The following TMEM135 variants were observed in gnomAD, a reference collection of about 807,000 sequenced individuals.
The protein encoded by TMEM135 is peroxisomal membrane protein 52.
A neutral mutation model predicts 60.3 loss-of-function variants in TMEM135; 30 were observed. That is an observed-to-expected ratio of 0.50 (90% CI 0.37 to 0.68). TMEM135 has a LOEUF of 0.68. Ranked by LOEUF, TMEM135 falls within the 30% of genes least tolerant of loss-of-function variation. The probability of loss-of-function intolerance (pLI) is 0.00; values close to 1 mark genes in which losing one functional copy is unlikely to be tolerated. For synonymous variants in TMEM135, 190 were observed against 186.7 expected, an observed-to-expected ratio of 1.02 and a Z score of -0.14; for missense variants, 468 against 548.8, an observed-to-expected ratio of 0.85 and a Z score of 1.47.
At chr11:87,053,080 C>T (rs866269163) in intron 1 of TMEM135, among the ~76,000 whole-genome samples, 5 of 128,560 alleles carry the variant, frequency 3.9e-5, no homozygotes, top group South Asian at 2.6e-4. Context: ...AACGAAACAC[C>T]GCATATTCTC....
In TMEM135 at chr11:87,327,441, A is replaced by G; in HGVS notation, c.*6108A>G. The G allele has an allele frequency of 2.2e-6, 1 of 454,114 alleles. No individual in the cohort carries two copies. Among genetic ancestry groups the G allele is most frequent in the South Asian group, 1.6e-5 (1 of 64,480 alleles). The allele number at this position is 454,114 out of a possible 1,614,324, so 28.1% of individuals were successfully genotyped here. A position where few individuals can be genotyped will look rare whatever the true frequency, so the allele number is the denominator to read the frequency against. ...TGCCATTAACCATCTGCATTTGAGCATTTTGAGAAAATAAACCTCTATTTC... is the reference window on the plus strand; with the variant it reads ...TGCCATTAACCATCTGCATTTGAGCGTTTTGAGAAAATAAACCTCTATTTC... On this transcript the variant is annotated 3_prime_UTR_variant, in exon 15 of 15. Coordinates refer to ENST00000305494, the MANE Select transcript of TMEM135 (RefSeq NM_022918.4).
intron 6 of TMEM135, among the ~76,000 whole-genome samples, chr11:87,280,083 T>C (rs1467260977): frequency 1.3e-5 from 2 of 152,230 alleles, no homozygotes; most frequent in African/African-American, 4.8e-5. Context: ...TGTTAATCTA[T>C]CAAAAAGTTA....
At chr11:87,072,329 G>A (rs1443458610) in intron 3 of TMEM135, among the ~76,000 whole-genome samples, 1 of 151,922 alleles carries the variant, frequency 6.6e-6, no homozygotes, top group Non-Finnish European at 1.5e-5. Flanking sequence ...TTTGCTTCAG[G>A]CTCTTTGAGT....
intron 5 of TMEM135, among the ~76,000 whole-genome samples, chr11:87,233,594 A>G (rs1342970274): frequency 6.6e-6 from 1 of 152,156 alleles, no homozygotes; most frequent in Non-Finnish European, 1.5e-5. Flanking sequence ...TGTACAATTT[A>G]TATTAATTAT....
chr11:87,193,053 T>C (rs1324044732), intron 5 of TMEM135, among the ~76,000 whole-genome samples: 1 of 152,182 alleles, frequency 6.6e-6, no homozygotes, highest in East Asian at 1.9e-4. Flanking sequence ...AGGCAAAGGT[T>C]GCAGTGAGCT....
chr11:87,045,974 C>T (rs1220368202), intron 1 of TMEM135, among the ~76,000 whole-genome samples: 1 of 152,192 alleles, frequency 6.6e-6, no homozygotes, highest in Non-Finnish European at 1.5e-5. Flanking sequence ...ATGAATGAGA[C>T]ATACTTCTTA....
chr11:87,255,685 TAAA>T (rs1174341319), intron 6 of TMEM135, among the ~76,000 whole-genome samples: 1 of 152,040 alleles, frequency 6.6e-6, no homozygotes, highest in Non-Finnish European at 1.5e-5. Flanking sequence ...ACAAGCAATT[TAAA>T]AAATTATCAT....
intron 5 of TMEM135, among the ~76,000 whole-genome samples, chr11:87,222,324 G>A (rs1050749964): frequency 2.0e-5 from 3 of 146,928 alleles, no homozygotes; most frequent in Non-Finnish European, 4.5e-5. Context: ...GTGAAACCCC[G>A]TCTCTACTAA....
At chr11:87,167,658 T>G in intron 5 of TMEM135, among the ~76,000 whole-genome samples, 1 of 152,150 alleles carries the variant, frequency 6.6e-6, no homozygotes, top group South Asian at 2.1e-4. Context: ...GGGATGAAGC[T>G]GACTTGATCA....
Position 87,157,189 on chromosome 11 carries a change from G to A in TMEM135, c.397-152G>A, listed in dbSNP as rs192227577. 46 of 662,838 alleles carry A rather than the reference G, an allele frequency of 6.9e-5. 1 individual carries two copies. In the East Asian group the frequency reaches 1.3e-3, roughly 19 times the overall value. 41.1% of individuals were successfully genotyped at this position (662,838 alleles called of 1,614,324 possible). On this transcript the variant is annotated intron_variant, in intron 4 of 14. Coordinates refer to ENST00000305494, the MANE Select transcript of TMEM135 (RefSeq NM_022918.4). ...GTGATCCTCTTGCCTGAGTAGCTAG[G>A]ACTATAGGCATATACAACTTATTGA...
At chr11:87,126,929 TA>T (rs778077617) in intron 4 of TMEM135, among the ~76,000 whole-genome samples, 3 of 152,108 alleles carry the variant, frequency 2.0e-5, no homozygotes, top group Non-Finnish European at 4.4e-5. Context: ...ATTGTGGAAT[TA>T]GGGGGAATGA....
intron 6 of TMEM135, among the ~76,000 whole-genome samples, chr11:87,244,554 C>G (rs371497149): frequency 1.2e-5 from 1 of 83,800 alleles, no homozygotes; most frequent in Non-Finnish European, 2.9e-5. Flanking sequence ...TTCAGATATT[C>G]AACTTCTTCC....
At chr11:87,109,798 A>C (rs1857696280) in intron 4 of TMEM135, among the ~76,000 whole-genome samples, 1 of 79,398 alleles carries the variant, frequency 1.3e-5, no homozygotes, top group South Asian at 3.5e-4. Flanking sequence ...TTTTGCTAAC[A>C]TACTTTGAAA....
Position 87,323,046 on chromosome 11 carries a change from C to T in TMEM135, c.*1713C>T, listed in dbSNP as rs1005576805. The T allele has an allele frequency of 2.2e-5, 10 of 453,980 alleles. No homozygotes were observed. The highest frequency in any genetic ancestry group is 1.4e-4 in the African/African-American group (7 of 49,920). 28.1% of individuals were successfully genotyped at this position (453,980 alleles called of 1,614,324 possible). On this transcript the variant is annotated 3_prime_UTR_variant, in exon 15 of 15. Transcript: ENST00000305494. ...AGAACTGCACCTCATTTTCTTTATC[C>T]AGAAATTGTGCTTATATATTTTCCT... is the stretch of plus-strand genomic sequence containing the variant.
rs1179653558 is a variant in TMEM135 at position 87,071,508 on chromosome 11, A to G, written c.270-15A>G. On this transcript the variant is annotated splice_polypyrimidine_tract_variant and intron_variant, in intron 2 of 14. Coordinates refer to ENST00000305494, the MANE Select transcript of TMEM135 (RefSeq NM_022918.4). The stretch of plus-strand genomic sequence containing the variant: ...ACTAGGAATTTCATACAAAAATTCC[A>G]AATTTGAATTTCAGGAAGATACTTG... 6.2e-7 allele frequency: 1 copy of G among 1,611,342 alleles called. No individual in the cohort carries two copies. Among genetic ancestry groups the G allele is most frequent in the Non-Finnish European group, 8.5e-7 (1 of 1,177,476 alleles).
intron 4 of TMEM135, chr11:87,094,880 A>T: frequency 6.3e-6 from 1 of 158,528 alleles, no homozygotes; most frequent in Non-Finnish European, 1.4e-5. Context: ...CCATTCTTAT[A>T]GTTAGTGATG....
At chr11:87,072,666 C>CCACTGT (rs1856793081) in intron 3 of TMEM135, among the ~76,000 whole-genome samples, 1 of 152,072 alleles carries the variant, frequency 6.6e-6, no homozygotes, top group African/African-American at 2.4e-5. Context: ...CAGGTGTGAG[C>CCACTGT]CACTGTGCCT....
intron 1 of TMEM135, among the ~76,000 whole-genome samples, chr11:87,038,545 G>C (rs1590970848): frequency 1.3e-5 from 2 of 151,086 alleles, no homozygotes; most frequent in East Asian, 3.9e-4. Flanking sequence ...GGTATTTGTA[G>C]GTCAGCGAGG....
intron 5 of TMEM135, among the ~76,000 whole-genome samples, chr11:87,181,240 T>G (rs896887267): frequency 2.6e-5 from 4 of 152,020 alleles, no homozygotes; most frequent in African/African-American, 9.7e-5. Context: ...GAAAAAAGAT[T>G]AAGTGAAATT....
Sources: allele counts gnomAD v4.1 joint callset (sites outside exome capture counted in the v4.1 genomes callset), GRCh38; gene constraint gnomAD v4.1.1; transcripts MANE v1.5; gene names NCBI Gene and HGNC (gene_info 2026-07-23, HGNC 2026-07-21).